Variants in FAM107A observed in about 807,000 individuals in gnomAD.
FAM107A encodes actin-associated protein FAM107A.
Under a neutral mutation model 13.7 loss-of-function variants are expected in FAM107A, and 19 were observed. That is an observed-to-expected ratio of 1.38 (90% CI 0.97 to 2.03). The LOEUF (loss-of-function observed/expected upper bound fraction) is 2.03. Ranked by LOEUF, FAM107A falls within the 30% of genes most tolerant of loss-of-function variation. The pLI is 0.00. For missense variants in FAM107A, 203 were observed against 184.4 expected (o/e 1.10, Z -0.58); for synonymous variants, 82 against 74.5 (o/e 1.10, Z -0.52).
chr3:58,581,776 G>A (rs763138603), upstream of FAM107A, among the ~76,000 whole-genome samples: 6 of 152,304 alleles, frequency 3.9e-5, no homozygotes, highest in African/African-American at 1.2e-4. Flanking sequence ...GATTTCAAGC[G>A]TGAAAATGGG....
rs1286523554 is a variant in FAM107A at position 58,604,213 on chromosome 3, A to C, written c.-69-14944T>G. Among the ~76,000 whole-genome samples, 1 of 152,024 alleles carries C rather than the reference A, an allele frequency of 6.6e-6. No homozygotes were observed. Among genetic ancestry groups the C allele is most frequent in the African/African-American group, 2.4e-5 (1 of 41,380 alleles). Reference sequence around the variant, plus strand: ...GTTGCTAGGAGACATTTCTCAAGAAAGGTTCCTTTGGAAAATGAGCTCAGT... The same window carrying C: ...GTTGCTAGGAGACATTTCTCAAGAACGGTTCCTTTGGAAAATGAGCTCAGT... On this transcript the variant is annotated intron_variant, in intron 1 of 3. Transcript: ENST00000465970. This position sits in a 1 kb window ranked among gnomAD's most constrained non-coding sequence, Gnocchi z 4.1.
intron 1 of FAM107A, chr3:58,570,485 C>T (rs2063670348): frequency 4.8e-5 from 24 of 500,632 alleles, no homozygotes; most frequent in South Asian, 8.5e-5. Context: ...TCTACCACAG[C>T]GGTTTGAAAT....
chr3:58,619,875 G>A (rs1024473093), intron 1 of FAM107A, among the ~76,000 whole-genome samples: 4 of 152,196 alleles, frequency 2.6e-5, no homozygotes, highest in Non-Finnish European at 5.9e-5. Context: ...GTGTGTGGTG[G>A]GGAGGTGGAG....
intron 1 of FAM107A, among the ~76,000 whole-genome samples, chr3:58,623,476 T>C (rs1238980990): frequency 1.3e-5 from 2 of 152,318 alleles, no homozygotes; most frequent in African/African-American, 4.8e-5. Flanking sequence ...CAGGACCACG[T>C]GCCATTCCCT....
chr3:58,588,008 G>A (rs558750360), upstream of FAM107A, among the ~76,000 whole-genome samples: 9 of 152,238 alleles, frequency 5.9e-5, no homozygotes, highest in African/African-American at 1.2e-4. Flanking sequence ...CAGGTGGTCC[G>A]ACTACAGACC....
intron 2 of FAM107A, among the ~76,000 whole-genome samples, chr3:58,568,584 A>C (rs2063648205): frequency 6.6e-6 from 1 of 151,842 alleles, no homozygotes; most frequent in Non-Finnish European, 1.5e-5. Context: ...ATGTTTTTTG[A>C]TATTAAAGGG....
At chr3:58,626,851 G>T (rs1163106070) in intron 1 of FAM107A, 3 of 920,570 alleles carry the variant, frequency 3.3e-6, no homozygotes, top group African/African-American at 1.6e-5. Flanking sequence ...AGTTCCAGGG[G>T]GAGGGCTGGT....
At chr3:58,612,921 G>A (rs767405179) in intron 1 of FAM107A, among the ~76,000 whole-genome samples, 1 of 144,294 alleles carries the variant, frequency 6.9e-6, no homozygotes, top group Non-Finnish European at 1.5e-5. Flanking sequence ...CAGCAGCCAT[G>A]TGGGTCTCTT....
At chr3:58,583,073 A>G (rs925910207) in intron 1 of FAM107A, among the ~76,000 whole-genome samples, 5 of 152,056 alleles carry the variant, frequency 3.3e-5, no homozygotes, top group Admixed American at 3.3e-4. Flanking sequence ...CGTTGGGATT[A>G]CAGGCGTGAG....
At chr3:58,605,375 C>T (rs2065784664) in intron 1 of FAM107A, among the ~76,000 whole-genome samples, 1 of 152,182 alleles carries the variant, frequency 6.6e-6, no homozygotes. Flanking sequence ...TTTTGGGGCT[C>T]CCTATCTATG....
chr3:58,577,346 G>T lies in FAM107A; in HGVS notation c.-43C>A. The T allele has an allele frequency of 2.0e-6, 2 of 985,434 alleles. No individual in the cohort carries two copies. Among genetic ancestry groups the T allele is most frequent in the Non-Finnish European group, 2.4e-6 (2 of 829,970 alleles). The allele number at this position is 985,434 out of a possible 1,614,324, so 61.0% of individuals were successfully genotyped here. A position where few individuals can be genotyped will look rare whatever the true frequency, so the allele number is the denominator to read the frequency against. ...GTCCTTGGGAAGGGAAGTCAGGAGC[G>T]TGTTGCTGGGTTCCTCACTCCACCG... is the stretch of plus-strand genomic sequence containing the variant. On this transcript the variant is annotated 5_prime_UTR_variant, in exon 1 of 4. Coordinates refer to ENST00000360997, the MANE Select transcript of FAM107A (RefSeq NM_001076778.3). This position sits in a 1 kb window ranked among gnomAD's most constrained non-coding sequence, Gnocchi z 4.9.
At chr3:58,589,197 C>T (rs1362053990), upstream of FAM107A, 1 of 1,525,714 alleles carries the variant, frequency 6.6e-7, no homozygotes, top group East Asian at 2.4e-5. Context: ...TCTAGCGGGT[C>T]TGACTTACCT....
At chr3:58,626,005 C>T (rs762361677) in intron 1 of FAM107A, among the ~76,000 whole-genome samples, 2 of 152,152 alleles carry the variant, frequency 1.3e-5, no homozygotes, top group African/African-American at 4.8e-5. Flanking sequence ...GAACTTCCCA[C>T]GAAGCAGGTA....
intron 1 of FAM107A, among the ~76,000 whole-genome samples, chr3:58,572,363 A>T (rs530884644): frequency 1.3e-5 from 2 of 152,268 alleles, no homozygotes; most frequent in African/African-American, 4.8e-5. Flanking sequence ...TCCCATAGAG[A>T]CTAAGGAGGG....
rs2063662878 is a variant in FAM107A at position 58,569,792 on chromosome 3, C to T, written c.69G>A (p.Glu23=). 1.2e-6 allele frequency: 2 copies of T among 1,614,200 alleles called. No homozygotes were observed. The highest frequency in any genetic ancestry group is 1.7e-6 in the Non-Finnish European group (2 of 1,180,028). ...TGGGCTTGATGAGCTCCGGATTCCA[C>T]TCTCTGTATTCTGGCCGGGCCATCA... ...GGLMARPEYR[E]WNPELIKPKK... The change falls in exon 2 of 4, where the codon GAG becomes GAA. Residue 23 remains glutamate (E), a synonymous_variant. Coordinates refer to ENST00000360997, the MANE Select transcript of FAM107A (RefSeq NM_001076778.3). The surrounding 1 kb of genome is among the most constrained non-coding windows in gnomAD (Gnocchi z 5.7).
In FAM107A at chr3:58,613,446, C is replaced by T. The variant is rs927258313; in HGVS notation, c.-70+13970G>A. Among the ~76,000 whole-genome samples the T allele has an allele frequency of 1.3e-4, 20 of 152,098 alleles. No homozygotes were observed. The highest frequency in any genetic ancestry group is 2.5e-4 in the Non-Finnish European group (17 of 68,018). On this transcript the variant is annotated intron_variant, in intron 1 of 3. Transcript: ENST00000465970. This position sits in a 1 kb window ranked among gnomAD's most constrained non-coding sequence, Gnocchi z 4.6. ...CCTCTGACTTCATCAACCTCTGGCC[C>T]CTGTGTCCTCTCTCTTACAGTACTC...
intron 1 of FAM107A, among the ~76,000 whole-genome samples, chr3:58,615,898 CAAAAAAA>C (rs11311985): frequency 1.3e-5 from 1 of 74,724 alleles, no homozygotes; most frequent in Admixed American, 1.8e-4. Flanking sequence ...GACCCTGTCT[CAAAAAAA>C]AAAAAAAAAA....
upstream of FAM107A, among the ~76,000 whole-genome samples, chr3:58,589,829 C>CT: frequency 6.6e-6 from 1 of 152,298 alleles, no homozygotes; most frequent in African/African-American, 2.4e-5. Context: ...CTCAGACTTT[C>CT]TTTGTTTTGG....
intron 1 of FAM107A, among the ~76,000 whole-genome samples, chr3:58,592,550 C>T (rs1255449618): frequency 1.3e-5 from 2 of 152,180 alleles, no homozygotes; most frequent in South Asian, 2.1e-4. Context: ...CATAATTCCT[C>T]GGTTTGGCCT....
Sources: gnomAD v4.1 joint callset for allele counts (sites outside exome capture counted in the v4.1 genomes callset) on GRCh38, gnomAD v4.1.1 for gene constraint, Gnocchi (gnomAD v3.1) non-coding constraint, MANE v1.5 for transcripts, NCBI Gene and HGNC (gene_info 2026-07-23, HGNC 2026-07-21) for gene names.